The following SYNPO variants were observed in gnomAD, a reference collection of about 807,000 sequenced individuals.
SYNPO encodes the protein synaptopodin.
A neutral mutation model predicts 49.5 loss-of-function variants in SYNPO; 19 were observed. That is an observed-to-expected ratio of 0.38 (90% CI 0.27 to 0.56). The LOEUF is 0.56. Ranked by LOEUF, SYNPO falls within the 20% of genes least tolerant of loss-of-function variation. The pLI is 0.68. For synonymous variants in SYNPO, 536 were observed against 548.0 expected (o/e 0.98, Z 0.31); for missense variants, 1,131 against 1,248.3 (o/e 0.91, Z 1.42).
chr5:150,640,064 G>A (rs7727397), upstream of SYNPO: 2,510 of 893,368 alleles, frequency 2.8e-3, 53 homozygotes, highest in African/African-American at 0.043. Flanking sequence ...ATGGAGATGA[G>A]GATAGTGCTG....
chr5:150,619,759 T>C (rs975389334), intron 2 of SYNPO, among the ~76,000 whole-genome samples: 1 of 152,204 alleles, frequency 6.6e-6, no homozygotes, highest in African/African-American at 2.4e-5. Flanking sequence ...GCAGGCGTCG[T>C]TGACGCCCGG....
chr5:150,606,983 C>G (rs1756711888), intron 1 of SYNPO, among the ~76,000 whole-genome samples: 1 of 151,956 alleles, frequency 6.6e-6, no homozygotes, highest in South Asian at 2.1e-4. Flanking sequence ...CCTTGGATAA[C>G]TGTTGACAAA....
chr5:150,620,941 C>CTTTCTTTCTTTCTTTCT (rs1554108209), intron 2 of SYNPO, among the ~76,000 whole-genome samples: 11 of 103,110 alleles, frequency 1.1e-4, no homozygotes, highest in South Asian at 7.1e-4. Context: ...TTCTTTCTTT[C>CTTTCTTTCTTTCTTTCT]TTTCTTTTCT....
intron 1 of SYNPO, among the ~76,000 whole-genome samples, chr5:150,647,004 A>G (rs1318521220): frequency 6.6e-6 from 1 of 152,150 alleles, no homozygotes; most frequent in Non-Finnish European, 1.5e-5. Flanking sequence ...GCACTTTGGG[A>G]GGCCGAGGCG....
the SYNPO span, among the ~76,000 whole-genome samples, chr5:150,586,017 C>G: frequency 6.6e-6 from 1 of 152,246 alleles, no homozygotes; most frequent in African/African-American, 2.4e-5. Flanking sequence ...AGGGACACTG[C>G]CAGGGGCCGG....
At position 150,648,861 on chromosome 5, in the gene SYNPO, A is replaced by T; in HGVS notation, c.586A>T (p.Ile196Phe). Reference sequence around the variant, plus strand: ...CATGTCCAGCTCCCTGCTCATTGACATCCAGCCCAACACCCTAGTGGTGTC... The same window carrying T: ...CATGTCCAGCTCCCTGCTCATTGACTTCCAGCCCAACACCCTAGTGGTGTC... ...DFMSSSLLID[I>F]QPNTLVVSAD... The change falls in exon 2 of 3, where the codon ATC becomes TTC. Residue 196 changes from isoleucine (I) to phenylalanine (F), a missense_variant. Coordinates refer to ENST00000307662, the MANE Select transcript of SYNPO (RefSeq NM_007286.6). This position sits in a 1 kb window ranked among gnomAD's most constrained non-coding sequence, Gnocchi z 5.0. The T allele has an allele frequency of 1.2e-6, 2 of 1,614,152 alleles. No homozygotes were observed. Among genetic ancestry groups the T allele is most frequent in the Non-Finnish European group, 1.7e-6 (2 of 1,180,018 alleles).
intron 2 of SYNPO, among the ~76,000 whole-genome samples, chr5:150,627,855 G>GCTGGGACCAGTGGCAGGGA (rs1332532151): frequency 6.6e-6 from 1 of 152,150 alleles, no homozygotes; most frequent in Non-Finnish European, 1.5e-5. Context: ...GGGGCTAGGG[G>GCTGGGACCAGTGGCAGGGA]CTGGGACCAG....
intron 1 of SYNPO, among the ~76,000 whole-genome samples, chr5:150,611,499 T>A (rs944084483): frequency 1.3e-5 from 2 of 152,130 alleles, no homozygotes; most frequent in Admixed American, 1.3e-4. Context: ...CTTCCCAACC[T>A]CTCACCACTA....
intron 1 of SYNPO, among the ~76,000 whole-genome samples, chr5:150,612,142 G>A (rs1756865108): frequency 1.3e-5 from 2 of 152,194 alleles, no homozygotes; most frequent in African/African-American, 2.4e-5. Context: ...CTTTCTTCCT[G>A]TTGTCAGGGA....
At chr5:150,629,781 G>A (rs1391814620) in intron 2 of SYNPO, among the ~76,000 whole-genome samples, 6 of 152,196 alleles carry the variant, frequency 3.9e-5, no homozygotes, top group Admixed American at 3.9e-4. Flanking sequence ...ACTCCATGAG[G>A]TGAGTACTGT....
chr5:150,648,364 TA>T lies in SYNPO; in HGVS notation c.92del (p.Lys31ArgfsTer7). ...EEEEVPLVVYLKENAALLTAN... is the reference protein window; with the variant it reads ...EEEEVPLVVYXKENAALLTAN... The stretch of plus-strand genomic sequence containing the variant: ...GAAGAGGTACCACTGGTGGTTTATC[TA>T]AAGGAGAATGCAGCACTGCTGACAG... On this transcript the variant is annotated frameshift_variant, in exon 2 of 3. Coordinates refer to ENST00000307662, the MANE Select transcript of SYNPO (RefSeq NM_007286.6). LOFTEE classifies it high-confidence loss of function. The surrounding 1 kb of genome is among the most constrained non-coding windows in gnomAD (Gnocchi z 5.0). 6.2e-7 allele frequency: 1 copy of T among 1,614,114 alleles called. No individual in the cohort carries two copies. The highest frequency in any genetic ancestry group is 8.5e-7 in the Non-Finnish European group (1 of 1,180,002).
intron 2 of SYNPO, chr5:150,650,920 C>T: frequency 8.0e-7 from 1 of 1,254,144 alleles, no homozygotes; most frequent in Non-Finnish European, 1.0e-6. Flanking sequence ...CTTTGCCTCG[C>T]CTCCGCCTGC....
chr5:150,640,144 C>A (rs1396019719), upstream of SYNPO: 2 of 985,398 alleles, frequency 2.0e-6, no homozygotes, highest in Non-Finnish European at 2.4e-6. Flanking sequence ...GGTGAGTATA[C>A]CCTGAAAGAT....
chr5:150,657,189 G>T lies in SYNPO; in HGVS notation c.*102G>T. 7.7e-7 allele frequency: 1 copy of T among 1,302,786 alleles called. No homozygotes were observed. Among genetic ancestry groups the T allele is most frequent in the Non-Finnish European group, 1.0e-6 (1 of 962,536 alleles). The allele number at this position is 1,302,786 out of a possible 1,614,324, so 80.7% of individuals were successfully genotyped here. On this transcript the variant is annotated 3_prime_UTR_variant, in exon 3 of 3. Transcript: ENST00000307662. ...GGCCTCTTTGGGCAGCCCCAGAGATGAGGGGTCAGCAGAGGAGAGCTCTGG... is the reference window on the plus strand; with the variant it reads ...GGCCTCTTTGGGCAGCCCCAGAGATTAGGGGTCAGCAGAGGAGAGCTCTGG...
upstream of SYNPO, among the ~76,000 whole-genome samples, chr5:150,638,339 C>T (rs1297383036): frequency 6.6e-6 from 1 of 152,216 alleles, no homozygotes; most frequent in Non-Finnish European, 1.5e-5. Context: ...ATCTCCTTCC[C>T]TCACAAACGT....
chr5:150,591,906 C>A, the SYNPO span, among the ~76,000 whole-genome samples: 1 of 152,166 alleles, frequency 6.6e-6, no homozygotes, highest in Non-Finnish European at 1.5e-5. Context: ...TGGCTCACTC[C>A]TGTAATCCCA....
At chr5:150,618,542 G>A (rs1235222045) in exon 2 of SYNPO, 3 of 1,550,876 alleles carry the variant, frequency 1.9e-6, no homozygotes, top group Admixed American at 3.9e-5. Context: ...GGAAGAGGAT[G>A]AGGGGGTCAG....
chr5:150,650,045 C>T lies in SYNPO; in HGVS notation c.1770C>T (p.Pro590=), dbSNP rs772687319. 18 of 1,612,848 alleles carry T rather than the reference C, an allele frequency of 1.1e-5. No individual in the cohort carries two copies. Among genetic ancestry groups the T allele is most frequent in the South Asian group, 3.3e-5 (3 of 91,092 alleles). ...AGGTCTCACCAAGAGCTGCCTCGCC[C>T]GCCAAGCCCAGCTCCTTGGACCTGG... ...PAKVSPRAAS[P]AKPSSLDLVP... Residue 590 remains proline, a synonymous_variant, in exon 2 of 3, where the codon CCC becomes CCT. Transcript: ENST00000307662.
upstream of SYNPO, among the ~76,000 whole-genome samples, chr5:150,596,832 AG>A (rs1204559179): frequency 6.6e-6 from 1 of 152,204 alleles, no homozygotes; most frequent in Non-Finnish European, 1.5e-5. Flanking sequence ...AGTCAGGGCA[AG>A]GAGGCTAGAA....
Sources: allele counts gnomAD v4.1 joint callset (sites outside exome capture counted in the v4.1 genomes callset), GRCh38; gene constraint gnomAD v4.1.1; non-coding constraint Gnocchi (gnomAD v3.1); transcripts MANE v1.5; gene names NCBI Gene and HGNC (gene_info 2026-07-23, HGNC 2026-07-21).